Variants in AGMO observed in about 807,000 individuals in gnomAD.
AGMO encodes alkylglycerol monooxygenase, also known as glyceryl-ether monooxygenase.
Under a neutral mutation model 60.2 loss-of-function variants are expected in AGMO, and 75 were observed. That is an observed-to-expected ratio of 1.25 (90% CI 1.03 to 1.51). The LOEUF is 1.51. Ranked by LOEUF, AGMO falls within the 40% of genes most tolerant of loss-of-function variation. The pLI is 0.00. For synonymous variants in AGMO, 261 were observed against 177.1 expected (o/e 1.47, Z -3.76); for missense variants, 763 against 525.5 (o/e 1.45, Z -4.42).
rs114586023 is a variant in AGMO at position 15,347,214 on chromosome 7, G to A, written c.1263+18300C>T. ...TGTTCAATTGTATGCACGTACAACC[G>A]TATATACATACATAGATTAAAGGAC... is the stretch of plus-strand genomic sequence containing the variant. On this transcript the variant is annotated intron_variant, in intron 12 of 12. Coordinates refer to ENST00000342526, the MANE Select transcript of AGMO (RefSeq NM_001004320.2). Among the ~76,000 whole-genome samples the A allele has an allele frequency of 3.7e-3, 562 of 151,950 alleles. 2 individuals carry two copies. The highest frequency in any genetic ancestry group is 0.011 in the African/African-American group (462 of 41,492).
At chr7:15,475,899 C>T (rs1242537101) in intron 3 of AGMO, among the ~76,000 whole-genome samples, 1 of 152,126 alleles carries the variant, frequency 6.6e-6, no homozygotes, top group East Asian at 1.9e-4. Context: ...AAGATCTAAA[C>T]ATATTTACTC....
chr7:15,170,453 C>T, the AGMO span, among the ~76,000 whole-genome samples: 1 of 152,010 alleles, frequency 6.6e-6, no homozygotes, highest in East Asian at 1.9e-4. Context: ...CAAGGAATAA[C>T]CAAGGTTAGC....
At chr7:15,353,670 ATAT>A (rs1782343801) in intron 12 of AGMO, among the ~76,000 whole-genome samples, 2 of 152,240 alleles carry the variant, frequency 1.3e-5, no homozygotes, top group Non-Finnish European at 2.9e-5. Context: ...TCAGAAATAT[ATAT>A]TAGTGTTGCT....
chr7:15,148,456 A>G, the AGMO span, among the ~76,000 whole-genome samples: 1 of 152,060 alleles, frequency 6.6e-6, no homozygotes, highest in Non-Finnish European at 1.5e-5. Context: ...TACCCTGTAC[A>G]TAGTTTTTTG....
intron 12 of AGMO, among the ~76,000 whole-genome samples, chr7:15,270,736 G>C (rs958391962): frequency 1.3e-5 from 2 of 149,878 alleles, no homozygotes; most frequent in Non-Finnish European, 3.0e-5. Flanking sequence ...CTTTGCCTGG[G>C]TCAGTGTCCA....
chr7:15,500,758 T>G (rs1783361373), intron 3 of AGMO, among the ~76,000 whole-genome samples: 1 of 151,996 alleles, frequency 6.6e-6, no homozygotes, highest in Admixed American at 6.6e-5. Flanking sequence ...CTTGTTTCTC[T>G]AGTTCTTCGA....
intron 12 of AGMO, among the ~76,000 whole-genome samples, chr7:15,359,842 A>AT (rs1431065428): frequency 9.8e-5 from 15 of 152,334 alleles, no homozygotes; most frequent in Non-Finnish European, 8.8e-5. Context: ...AAACCTTTCC[A>AT]TATGATAGTG....
intron 3 of AGMO, among the ~76,000 whole-genome samples, chr7:15,443,326 C>T (rs1439470362): frequency 6.6e-6 from 1 of 152,170 alleles, no homozygotes; most frequent in Non-Finnish European, 1.5e-5. Context: ...TGGAGCCCCA[C>T]AGCCTGCCCA....
chr7:15,212,454 T>G (rs1781621869), intron 12 of AGMO, among the ~76,000 whole-genome samples: 1 of 151,772 alleles, frequency 6.6e-6, no homozygotes. Context: ...CGGCCCTGAG[T>G]TTTTCATGAA....
At chr7:15,383,340 A>G (rs184149211) in intron 10 of AGMO, among the ~76,000 whole-genome samples, 3 of 152,232 alleles carry the variant, frequency 2.0e-5, no homozygotes, top group Admixed American at 6.5e-5. Context: ...CGCACTGTCT[A>G]AAGAAGCAAT....
chr7:15,444,708 A>C (rs1781653780), intron 3 of AGMO, among the ~76,000 whole-genome samples: 1 of 151,396 alleles, frequency 6.6e-6, no homozygotes, highest in Non-Finnish European at 1.5e-5. Context: ...TCAACTCCTC[A>C]CTCTGCTGGT....
At position 15,335,627 on chromosome 7, in the gene AGMO, C is replaced by A. The variant is rs562841406; in HGVS notation, c.1263+29887G>T. 2.3e-4 allele frequency among the ~76,000 whole-genome samples: 35 copies of A among 152,194 alleles called. No homozygotes were observed. In the South Asian group the frequency reaches 6.8e-3, roughly 30 times the overall value. On this transcript the variant is annotated intron_variant, in intron 12 of 12. Transcript: ENST00000342526. ...GACAGGCCCTGAAAATATATACTAG[C>A]GAAGGCCACTGCCAAATGACTTGTG... is the stretch of plus-strand genomic sequence containing the variant.
Position 15,431,108 on chromosome 7 carries a change from T to G in AGMO, c.410A>C (p.Glu137Ala), listed in dbSNP as rs1781226262. 1.2e-6 allele frequency: 2 copies of G among 1,605,020 alleles called. No homozygotes were observed. The highest frequency in any genetic ancestry group is 3.4e-5 in the Admixed American group (2 of 59,560). The change falls in exon 4 of 13, where the codon GAA (glutamate) becomes GCA (alanine). Residue 137 changes from glutamate to alanine, a missense_variant and splice_region_variant. Physicochemically the swap from Glu to Ala is moderately radical, Grantham distance 107 (BLOSUM62 -1). Coordinates refer to ENST00000342526, the MANE Select transcript of AGMO (RefSeq NM_001004320.2). The stretch of plus-strand genomic sequence containing the variant: ...GTGTCCGGCCCACATAATATTAACT[T>G]CTGCAAAACACATAATTTGCAATGA... ...GYYWFHRMAH[E>A]VNIMWAGHQT...
At chr7:15,222,970 CCTA>C (rs1781968154) in intron 12 of AGMO, among the ~76,000 whole-genome samples, 2 of 151,594 alleles carry the variant, frequency 1.3e-5, no homozygotes, top group African/African-American at 2.4e-5. Context: ...CAAAATATGC[CCTA>C]CTGATTTGTG....
chr7:15,456,690 T>C (rs915179134), intron 3 of AGMO, among the ~76,000 whole-genome samples: 10 of 152,172 alleles, frequency 6.6e-5, no homozygotes, highest in African/African-American at 2.4e-4. Flanking sequence ...GTTTTCTACT[T>C]GATCTGTACA....
intron 3 of AGMO, among the ~76,000 whole-genome samples, chr7:15,543,949 C>T (rs7806287): frequency 0.013 from 1,916 of 151,546 alleles, 27 homozygotes; most frequent in African/African-American, 0.044. Context: ...CCCTTTTCAC[C>T]GCAAAAATAT....
chr7:15,254,770 T>C (rs966990817), intron 12 of AGMO, among the ~76,000 whole-genome samples: 1 of 146,162 alleles, frequency 6.8e-6, no homozygotes, highest in East Asian at 2.1e-4. Flanking sequence ...TCAAACAAAA[T>C]CAGAGATGAA....
intron 12 of AGMO, among the ~76,000 whole-genome samples, chr7:15,362,523 G>A (rs1228077177): frequency 6.6e-6 from 1 of 152,062 alleles, no homozygotes; most frequent in Non-Finnish European, 1.5e-5. Flanking sequence ...CTCCTTTGTG[G>A]CACTTCATTT....
chr7:15,184,965 T>G, the AGMO span, among the ~76,000 whole-genome samples: 1 of 150,860 alleles, frequency 6.6e-6, no homozygotes, highest in Non-Finnish European at 1.5e-5. Flanking sequence ...GAGAAGGAAG[T>G]ATAAGGGAGT....
Sources: gnomAD v4.1 joint callset for allele counts (sites outside exome capture counted in the v4.1 genomes callset) on GRCh38, gnomAD v4.1.1 for gene constraint, MANE v1.5 for transcripts, NCBI Gene and HGNC (gene_info 2026-07-23, HGNC 2026-07-21) for gene names.